Variants in CACNG3 observed in about 807,000 individuals in gnomAD.
CACNG3 encodes calcium voltage-gated channel auxiliary subunit gamma 3, also known as voltage-dependent calcium channel gamma-3 subunit.
CACNG3 carries 3 observed loss-of-function variants against 28.5 expected under a neutral mutation model. The ratio of observed to expected loss-of-function variants is 0.11; its 90% CI spans 0.05 to 0.27. CACNG3 has a LOEUF of 0.27. Among genes scored for constraint, CACNG3 ranks in the 10% least tolerant of loss-of-function variants. CACNG3 has a pLI of 1.00. For missense variants in CACNG3, 236 were observed against 414.4 expected, an observed-to-expected ratio of 0.57 and a Z score of 3.74; for synonymous variants, 174 against 162.2, an observed-to-expected ratio of 1.07 and a Z score of -0.55.
intron 1 of CACNG3, among the ~76,000 whole-genome samples, chr16:24,307,377 C>A (rs1899199458): frequency 6.6e-6 from 1 of 152,118 alleles, no homozygotes; most frequent in African/African-American, 2.4e-5. Flanking sequence ...CCACCTCAGC[C>A]TCCCAAAGTG....
chr16:24,299,322 C>T (rs1156604995), intron 1 of CACNG3, among the ~76,000 whole-genome samples: 8 of 152,144 alleles, frequency 5.3e-5, no homozygotes, highest in South Asian at 2.1e-4. Context: ...GTTCCACCTT[C>T]GGCACTGGGA....
At chr16:24,262,824 A>G (rs527952302) in intron 1 of CACNG3, among the ~76,000 whole-genome samples, 21 of 152,308 alleles carry the variant, frequency 1.4e-4, no homozygotes, top group Admixed American at 1.3e-3. Flanking sequence ...AGTTGTTTCA[A>G]TCTCTGAAAT....
At chr16:24,351,911 G>A (rs1284144422) in intron 2 of CACNG3, among the ~76,000 whole-genome samples, 1 of 145,236 alleles carries the variant, frequency 6.9e-6, no homozygotes, top group Non-Finnish European at 1.5e-5. Flanking sequence ...CTCCTCCCGG[G>A]TTCACGCCAT....
intron 1 of CACNG3, among the ~76,000 whole-genome samples, chr16:24,316,751 C>T (rs1313556802): frequency 6.6e-6 from 1 of 152,198 alleles, no homozygotes; most frequent in African/African-American, 2.4e-5. Flanking sequence ...GTGAGTGACA[C>T]GGTTTGGCCC....
chr16:24,280,821 C>CAAAAAAAAAAAAAAAAAAAAA (rs71154295), intron 1 of CACNG3, among the ~76,000 whole-genome samples: 1 of 55,646 alleles, frequency 1.8e-5, no homozygotes, highest in Non-Finnish European at 3.2e-5. Flanking sequence ...GAGTTTGTCT[C>CAAAAAAAAAAAAAAAAAAAAA]AAAAAAAAAA....
In CACNG3 at chr16:24,354,718, A is replaced by C. The variant is rs1596653602; in HGVS notation, c.296-115A>C. On this transcript the variant is annotated intron_variant, in intron 2 of 3. Transcript: ENST00000005284. ...GCCTGGTCTCATGCCCGTGTTAGAC[A>C]TGGGCTCTGTTCTCTTCCTGTGCTG... The C allele has an allele frequency of 5.8e-6, 6 of 1,041,564 alleles. No homozygotes were observed. In the East Asian group the frequency reaches 1.2e-4, roughly 21 times the overall value. 64.5% of individuals were successfully genotyped at this position (1,041,564 alleles called of 1,614,324 possible).
At chr16:24,258,115 T>C (rs1181143763) in intron 1 of CACNG3, among the ~76,000 whole-genome samples, 1 of 152,186 alleles carries the variant, frequency 6.6e-6, no homozygotes, top group Non-Finnish European at 1.5e-5. Context: ...TTGCCATTGG[T>C]TCTTCACACT....
At chr16:24,284,924 C>T (rs568772831) in intron 1 of CACNG3, among the ~76,000 whole-genome samples, 10 of 149,898 alleles carry the variant, frequency 6.7e-5, no homozygotes, top group African/African-American at 9.8e-5. Flanking sequence ...GGTTGAAGGA[C>T]ATAGCAGTGT....
intron 1 of CACNG3, among the ~76,000 whole-genome samples, chr16:24,287,095 C>G (rs939082307): frequency 6.6e-6 from 1 of 152,226 alleles, no homozygotes; most frequent in African/African-American, 2.4e-5. Context: ...TTTCTTCTCT[C>G]CTTTCTCTCT....
intron 1 of CACNG3, among the ~76,000 whole-genome samples, chr16:24,279,061 T>C (rs1166417914): frequency 6.6e-6 from 1 of 152,134 alleles, no homozygotes; most frequent in Non-Finnish European, 1.5e-5. Flanking sequence ...CAGTAATGGC[T>C]GGAGCAGGAG....
intron 1 of CACNG3, among the ~76,000 whole-genome samples, chr16:24,266,039 A>C (rs1250485710): frequency 6.6e-6 from 1 of 152,130 alleles, no homozygotes; most frequent in Admixed American, 6.5e-5. Context: ...CAGACCGTTC[A>C]TGTAATCAGA....
intron 1 of CACNG3, among the ~76,000 whole-genome samples, chr16:24,312,873 G>GAAAGAAAAA (rs1399283197): frequency 2.1e-4 from 29 of 138,268 alleles, no homozygotes; most frequent in African/African-American, 4.9e-4. Context: ...AAGAAGGAAG[G>GAAAGAAAAA]AAAGAAAAAA....
intron 1 of CACNG3, among the ~76,000 whole-genome samples, chr16:24,318,662 T>A (rs1039485829): frequency 1.3e-5 from 2 of 152,132 alleles, no homozygotes; most frequent in Non-Finnish European, 2.9e-5. Context: ...TCCTTGTGAT[T>A]ACAGTTCAAC....
chr16:24,261,235 C>G (rs1006763103), intron 1 of CACNG3, among the ~76,000 whole-genome samples: 1 of 151,982 alleles, frequency 6.6e-6, no homozygotes, highest in African/African-American at 2.4e-5. Flanking sequence ...GGTTTGGAGG[C>G]GGGTAACGGT....
chr16:24,292,013 A>T (rs1898974642), intron 1 of CACNG3, among the ~76,000 whole-genome samples: 1 of 151,860 alleles, frequency 6.6e-6, no homozygotes, highest in South Asian at 2.1e-4. Context: ...AGAGAGAGAG[A>T]GACTGAGGTA....
chr16:24,312,951 G>GAAAA (rs1567216094), intron 1 of CACNG3, among the ~76,000 whole-genome samples: 1 of 98,978 alleles, frequency 1.0e-5, no homozygotes, highest in African/African-American at 3.9e-5. Flanking sequence ...AAGAAAGAAA[G>GAAAA]AAAGAGAAAG....
chr16:24,354,546 G>A (rs183988823), intron 2 of CACNG3, among the ~76,000 whole-genome samples: 2 of 152,268 alleles, frequency 1.3e-5, no homozygotes, highest in East Asian at 3.9e-4. Flanking sequence ...AAGTCTCCAA[G>A]CCCCAGTGCA....
chr16:24,326,035 G>T (rs1304334770), intron 1 of CACNG3, among the ~76,000 whole-genome samples: 1 of 152,180 alleles, frequency 6.6e-6, no homozygotes, highest in African/African-American at 2.4e-5. Flanking sequence ...GCTCTATTCT[G>T]AAATCTCTGC....
chr16:24,281,530 G>A (rs1370951549), intron 1 of CACNG3, among the ~76,000 whole-genome samples: 1 of 152,110 alleles, frequency 6.6e-6, no homozygotes, highest in Non-Finnish European at 1.5e-5. Context: ...CTTGAATCCA[G>A]CATAACAGCA....
Sources: allele counts gnomAD v4.1 joint callset (sites outside exome capture counted in the v4.1 genomes callset), GRCh38; gene constraint gnomAD v4.1.1; transcripts MANE v1.5; gene names NCBI Gene and HGNC (gene_info 2026-07-23, HGNC 2026-07-21).